TEDC1: variants seen among roughly 807,000 people sequenced by gnomAD.
TEDC1 encodes tubulin epsilon and delta complex 1.
In TEDC1, 54 loss-of-function variants were observed where a neutral mutation model predicts 59.9. That is an observed-to-expected ratio of 0.90 (90% confidence interval 0.72 to 1.13). The LOEUF (loss-of-function observed/expected upper bound fraction) is 1.13, where lower values mean the gene tolerates loss of function less well. TEDC1 is among the 50% of genes most tolerant of loss of function. TEDC1 has a pLI of 0.00. For synonymous variants in TEDC1, 353 were observed against 298.1 expected, an observed-to-expected ratio of 1.18 and a Z score of -1.90; for missense variants, 734 against 683.4, an observed-to-expected ratio of 1.07 and a Z score of -0.83.
intron 8 of TEDC1, 88 bp from the exon 9 acceptor site, chr14:105,498,529 G>A: frequency 3.6e-6 from 5 of 1,371,428 alleles, no homozygotes; most frequent in Non-Finnish European, 4.9e-6. Flanking sequence ...TGCAGCGCCT[G>A]CACCTGAGTC....
rs2084289697 is a variant in TEDC1, at chr14:105,494,190, G to A, written c.684+257G>A. On this transcript the variant is annotated intron_variant, in intron 5 of 8. Coordinates refer to ENST00000392523, the MANE Select transcript of TEDC1 (RefSeq NM_001367178.1). ...ACGGGTGGGGGCCCAGGACGCAGGA[G>A]CCTGGGCTGGGCAGGCAGCTGGCTA... 16 of 555,540 alleles carry A rather than the reference G, an allele frequency of 2.9e-5. No individual in the cohort carries two copies. The South Asian group carries it at 3.3e-4, about 11-fold the overall frequency. 34.4% of individuals were successfully genotyped at this position (555,540 alleles called of 1,614,324 possible).
At position 105,491,643 on chromosome 14, in the gene TEDC1, C is replaced by G. The variant is rs2084211231; in HGVS notation, c.169C>G (p.Leu57Val). Reference sequence around the variant, plus strand: ...GCAGACCTCCGCGCTCTGGCAGCTCCTCTTCCGTGTGCTCTCGCCACTCCC... The same window carrying G: ...GCAGACCTCCGCGCTCTGGCAGCTCGTCTTCCGTGTGCTCTCGCCACTCCC... ...PEATSALWQL[L>V]FRVLSPLPAG... The change falls in exon 2 of 9, where the codon CTC (leucine) becomes GTC (valine). Residue 57 changes from leucine to valine, a missense_variant. Coordinates refer to ENST00000392523, the MANE Select transcript of TEDC1 (RefSeq NM_001367178.1). 4 of 1,549,660 alleles carry G rather than the reference C, an allele frequency of 2.6e-6. No homozygotes were observed. The East Asian group carries it at 9.8e-5, about 38-fold the overall frequency.
At position 105,496,091 on chromosome 14, in the gene TEDC1, G is replaced by C; in HGVS notation, c.891+5G>C. ...CTGCTCTCCCCTTTTAGGGCGGTAAGTCGGGGAGGCTGGCAGGGAAGTGGA... is the reference window on the plus strand; with the variant it reads ...CTGCTCTCCCCTTTTAGGGCGGTAACTCGGGGAGGCTGGCAGGGAAGTGGA... On this transcript the variant is annotated splice_donor_5th_base_variant and intron_variant, in intron 6 of 8. Transcript: ENST00000392523. 6.5e-7 allele frequency: 1 copy of C among 1,543,614 alleles called. No individual in the cohort carries two copies. The highest frequency in any genetic ancestry group is 8.7e-7 in the Non-Finnish European group (1 of 1,144,974).
chr14:105,494,479 G>A (rs1045482226), intron 5 of TEDC1: 7 of 158,480 alleles, frequency 4.4e-5, no homozygotes, highest in South Asian at 3.7e-4. Context: ...TTGCAGTCCC[G>A]TTCTGCTTGC....
intron 4 of TEDC1, 27 bp from the exon 5 acceptor site, chr14:105,493,808 G>C (rs782106207): frequency 1.9e-6 from 3 of 1,566,574 alleles, no homozygotes; most frequent in South Asian, 2.2e-5. Context: ...CTGCCACTCA[G>C]CCTGGGGTCT....
Position 105,499,125 on chromosome 14 carries a change from A to G in TEDC1, c.*179A>G, listed in dbSNP as rs112912693. The G allele has an allele frequency of 4.0e-3, 2,699 of 675,588 alleles. 41 individuals carry two copies. Among genetic ancestry groups the G allele is most frequent in the African/African-American group, 0.039 (2,177 of 55,350 alleles). The allele number at this position is 675,588 out of a possible 1,614,324, so 41.8% of individuals were successfully genotyped here. ...CTGGCCGGATCCCAGGCCTGTGGCTAGCAGCACTGGGGACAGGAATGGCTG... is the reference window on the plus strand; with the variant it reads ...CTGGCCGGATCCCAGGCCTGTGGCTGGCAGCACTGGGGACAGGAATGGCTG... On this transcript the variant is annotated 3_prime_UTR_variant, in exon 9 of 9. Coordinates refer to ENST00000392523, the MANE Select transcript of TEDC1 (RefSeq NM_001367178.1).
At chr14:105,495,823 G>A (rs1470657389) in intron 5 of TEDC1, 57 bp from the exon 6 acceptor site, 11 of 1,385,712 alleles carry the variant, frequency 7.9e-6, no homozygotes, top group Admixed American at 2.1e-5. Flanking sequence ...CCCTCTCCCC[G>A]AAGCTGTGTG....
intron 2 of TEDC1, 37 bp from the exon 3 acceptor site, chr14:105,492,070 T>TGG: frequency 6.4e-7 from 1 of 1,553,070 alleles, no homozygotes; most frequent in South Asian, 1.2e-5. Flanking sequence ...CACCTCCAGG[T>TGG]GGGTGGTCCC....
At chr14:105,490,752 C>T (rs1555439053), upstream of TEDC1, 2 of 465,454 alleles carry the variant, frequency 4.3e-6, no homozygotes, top group African/African-American at 4.1e-5. Context: ...TGGGCGCCTC[C>T]TGGCGGCCCA....
At chr14:105,490,904 T>C (rs901823631), upstream of TEDC1, 1 of 980,034 alleles carries the variant, frequency 1.0e-6, no homozygotes, top group Non-Finnish European at 1.6e-6. Context: ...GGGTGGGGTC[T>C]GAGCGAGGCG....
chr14:105,498,089 A>G lies in TEDC1; in HGVS notation c.1158+112A>G, dbSNP rs587634363. ...TACAGTTGCATTTGTCAAGCATGGC[A>G]GGGGACACACTTAGAGGCACGTACC... On this transcript the variant is annotated intron_variant, in intron 8 of 8. Transcript: ENST00000392523. 9.9e-5 allele frequency: 130 copies of G among 1,312,800 alleles called. 3 individuals carry two copies. In the Middle Eastern group the frequency reaches 3.3e-3, roughly 33 times the overall value. 81.3% of individuals were successfully genotyped at this position (1,312,800 alleles called of 1,614,324 possible). A position where few individuals can be genotyped will look rare whatever the true frequency, so the allele number is the denominator to read the frequency against.
intron 4 of TEDC1, 82 bp downstream of exon 4, chr14:105,492,816 G>T: frequency 2.0e-6 from 3 of 1,483,588 alleles, no homozygotes; most frequent in Middle Eastern, 2.3e-4. Context: ...AGCCCGTCCC[G>T]TGAGGCCTGG....
At chr14:105,491,123 T>C (rs782343687), upstream of TEDC1, 57 of 1,550,854 alleles carry the variant, frequency 3.7e-5, no homozygotes, top group South Asian at 6.4e-4. Flanking sequence ...AGCGCGGTGA[T>C]TGGGTACAGG....
At chr14:105,497,043 C>G in intron 6 of TEDC1, 1 of 464,598 alleles carries the variant, frequency 2.2e-6, no homozygotes, top group South Asian at 2.5e-5. Context: ...GGCAGTGGGG[C>G]TGGTGTGGGG....
At chr14:105,493,803 A>T (rs782719867) in intron 4 of TEDC1, 32 bp from the exon 5 acceptor site, 3 of 1,539,032 alleles carry the variant, frequency 1.9e-6, no homozygotes, top group Non-Finnish European at 2.7e-6. Context: ...CTTGACTGCC[A>T]CTCAGCCTGG....
Position 105,497,439 on chromosome 14 carries a change from G to A in TEDC1, c.974G>A (p.Trp325Ter). ...WRRSELVFWRWMDTVLGTCAP... is the reference protein window; with the variant it reads ...WRRSELVFWR Reference sequence around the variant, plus strand: ...CGCTCTGAGCTGGTCTTCTGGCGGTGGATGGTGAGGAAGCCCGCGCATCCC... The same window carrying A: ...CGCTCTGAGCTGGTCTTCTGGCGGTAGATGGTGAGGAAGCCCGCGCATCCC... The change falls in exon 7 of 9, where the codon TGG becomes TAG. Residue 325 changes from tryptophan (W) to a stop codon, truncating the protein, a stop_gained. Transcript: ENST00000392523. LOFTEE classifies it high-confidence loss of function. 1 of 1,546,974 alleles carries A rather than the reference G, an allele frequency of 6.5e-7. No individual in the cohort carries two copies. The highest frequency in any genetic ancestry group is 8.7e-7 in the Non-Finnish European group (1 of 1,147,948).
At chr14:105,497,138 C>A in intron 6 of TEDC1, 1 of 624,208 alleles carries the variant, frequency 1.6e-6, no homozygotes, top group East Asian at 2.8e-5. Context: ...CTGCCCTGCA[C>A]TGCAGAAAGG....
intron 2 of TEDC1, 119 bp downstream of exon 2, chr14:105,491,819 C>G (rs1555439450): frequency 3.3e-6 from 4 of 1,198,340 alleles, no homozygotes; most frequent in East Asian, 5.1e-5. Flanking sequence ...CAACACTGAC[C>G]CCGCTTGCTC....
In TEDC1 at chr14:105,493,873, C is replaced by T. The variant is rs782759694; in HGVS notation, c.624C>T (p.Ser208=). The T allele has an allele frequency of 1.4e-5, 23 of 1,605,580 alleles. No homozygotes were observed. The highest frequency in any genetic ancestry group is 1.9e-5 in the Non-Finnish European group (23 of 1,179,512). The change falls in exon 5 of 9, where the codon AGC becomes AGT. Residue 208 remains serine (S), a synonymous_variant. Coordinates refer to ENST00000392523, the MANE Select transcript of TEDC1 (RefSeq NM_001367178.1). ...LYTRGCHSDQ[S]LSHLSVTEAE... ...CACGCGGCTGCCACAGCGACCAGAG[C>T]CTTAGCCATCTGTCTGTCACTGAAG...
Sources: gnomAD v4.1 joint callset for allele counts on GRCh38, gnomAD v4.1.1 for gene constraint, MANE v1.5 for transcripts, NCBI Gene and HGNC (gene_info 2026-07-23, HGNC 2026-07-21) for gene names.